Variants in SNAP91 observed in about 807,000 individuals in gnomAD.
The protein encoded by SNAP91 is clathrin coat assembly protein AP180.
Under a neutral mutation model 100.3 loss-of-function variants are expected in SNAP91, and 27 were observed. That is an observed-to-expected ratio of 0.27 (90% CI 0.20 to 0.37). The LOEUF (loss-of-function observed/expected upper bound fraction) is 0.37. Among genes scored for constraint, SNAP91 ranks in the 10% least tolerant of loss-of-function variants. The pLI, the probability that SNAP91 is intolerant of heterozygous loss-of-function variation, is 1.00. For missense variants in SNAP91, 986 were observed against 1,123.7 expected (o/e 0.88, Z 1.75); for synonymous variants, 404 against 398.6 (o/e 1.01, Z -0.16).
At chr6:83,669,757 G>T (rs1562592095) in intron 2 of SNAP91, among the ~76,000 whole-genome samples, 4 of 151,886 alleles carry the variant, frequency 2.6e-5, no homozygotes, top group Non-Finnish European at 4.4e-5. Flanking sequence ...TCTTGAGAGG[G>T]AATGTCTGGA....
At chr6:83,575,383 T>C (rs1395716256) in intron 25 of SNAP91, 3 of 432,364 alleles carry the variant, frequency 6.9e-6, no homozygotes, top group South Asian at 5.4e-5. Flanking sequence ...TAAAGAAAAG[T>C]ATGTCAGAAA....
chr6:83,630,990 TCCTCTTA>T (rs2097184710), intron 8 of SNAP91, among the ~76,000 whole-genome samples: 1 of 152,130 alleles, frequency 6.6e-6, no homozygotes, highest in Non-Finnish European at 1.5e-5. Context: ...CTATGACCTT[TCCTCTTA>T]CCACTGCCTT....
chr6:83,637,575 AC>A (rs2097514117), intron 8 of SNAP91, among the ~76,000 whole-genome samples: 2 of 152,190 alleles, frequency 1.3e-5, no homozygotes, highest in South Asian at 4.2e-4. Flanking sequence ...GAGCATTTTG[AC>A]TGGCTAGACT....
chr6:83,605,161 T>C (rs1160179236), intron 14 of SNAP91, among the ~76,000 whole-genome samples: 1 of 53,160 alleles, frequency 1.9e-5, no homozygotes, highest in African/African-American at 1.5e-4. Context: ...AGTCAATCAG[T>C]TTAAAGTATG....
At chr6:83,639,959 A>T (rs2128541401) in intron 8 of SNAP91, among the ~76,000 whole-genome samples, 1 of 152,292 alleles carries the variant, frequency 6.6e-6, no homozygotes, top group South Asian at 2.1e-4. Flanking sequence ...CAAAAGAAAA[A>T]ATTTTAAGCA....
chr6:83,662,909 A>C (rs1390451033), intron 3 of SNAP91, among the ~76,000 whole-genome samples: 1 of 152,066 alleles, frequency 6.6e-6, no homozygotes, highest in African/African-American at 2.4e-5. Flanking sequence ...ACTTTTTGCA[A>C]ATTGAAGATT....
At chr6:83,564,416 C>A (rs527663425) in intron 26 of SNAP91, among the ~76,000 whole-genome samples, 1 of 151,104 alleles carries the variant, frequency 6.6e-6, no homozygotes, top group Non-Finnish European at 1.5e-5. Context: ...TGGCTCACTG[C>A]GGCCTCTAGT....
intron 20 of SNAP91, 104 bp downstream of exon 20, chr6:83,592,842 T>G (rs3818169): frequency 0.031 from 26,641 of 873,190 alleles, 1,668 homozygotes; most frequent in Admixed American, 0.19. Context: ...GAAGTACATT[T>G]TAAATTTAAA....
At chr6:83,616,778 C>T (rs893011736) in intron 10 of SNAP91, among the ~76,000 whole-genome samples, 191 bp downstream of exon 10, 13 of 152,062 alleles carry the variant, frequency 8.5e-5, no homozygotes, top group East Asian at 7.7e-4. Context: ...CTGCATTAGC[C>T]TGCAGAGAGA....
chr6:83,575,088 C>A lies in SNAP91; in HGVS notation c.2364G>T (p.Lys788Asn). The A allele has an allele frequency of 6.2e-7, 1 of 1,607,880 alleles. No homozygotes were observed. Among genetic ancestry groups the A allele is most frequent in the Non-Finnish European group, 8.5e-7 (1 of 1,176,912 alleles). The change falls in exon 26 of 30, where the codon AAG becomes AAT. Residue 788 changes from lysine to asparagine, a missense_variant. By Grantham distance (94) the Lys-to-Asn change is moderately conservative (BLOSUM62 0). Coordinates refer to ENST00000369694, the MANE Select transcript of SNAP91 (RefSeq NM_001242792.2). ...GDLQWNAGEK[K>N]LTGGANWQPK... is the part of the protein sequence containing the mutation. Reference sequence around the variant, plus strand: ...GCTGCCAGTTGGCTCCACCAGTCAACTTTTTCTCTCCAGCATTCCACTGAA... The same window carrying A: ...GCTGCCAGTTGGCTCCACCAGTCAAATTTTTCTCTCCAGCATTCCACTGAA...
intron 9 of SNAP91, among the ~76,000 whole-genome samples, chr6:83,618,653 T>C (rs545765141): frequency 2.0e-5 from 3 of 152,036 alleles, no homozygotes; most frequent in Non-Finnish European, 4.4e-5. Flanking sequence ...TGAATTCACA[T>C]CTGATAACTT....
intron 6 of SNAP91, among the ~76,000 whole-genome samples, chr6:83,658,314 T>A (rs2098456016): frequency 6.6e-6 from 1 of 152,130 alleles, no homozygotes; most frequent in Non-Finnish European, 1.5e-5. Flanking sequence ...GCAATCTGCA[T>A]AAAATGGTTT....
At chr6:83,658,376 G>A (rs796694259) in intron 6 of SNAP91, among the ~76,000 whole-genome samples, 14 of 152,232 alleles carry the variant, frequency 9.2e-5, no homozygotes, top group African/African-American at 2.9e-4. Context: ...TTGGGAGGCC[G>A]AGGTAGGCAG....
chr6:83,690,507 C>T, intron 2 of SNAP91: 1 of 871,626 alleles, frequency 1.1e-6, no homozygotes, highest in South Asian at 1.5e-5. Context: ...GCAACAGATA[C>T]ATTGAACAAG....
chr6:83,565,987 C>G (rs1195314793), intron 26 of SNAP91, among the ~76,000 whole-genome samples: 2 of 151,908 alleles, frequency 1.3e-5, no homozygotes, highest in Non-Finnish European at 2.9e-5. Context: ...GATATACGCT[C>G]ATATGGAAAC....
intron 7 of SNAP91, among the ~76,000 whole-genome samples, chr6:83,654,539 T>A (rs1441977393): frequency 6.6e-6 from 1 of 152,132 alleles, no homozygotes; most frequent in Non-Finnish European, 1.5e-5. Flanking sequence ...GAGTGGAGGC[T>A]TTATGGGGAT....
intron 2 of SNAP91, among the ~76,000 whole-genome samples, chr6:83,700,451 A>C (rs767273222): frequency 6.6e-6 from 1 of 151,986 alleles, no homozygotes; most frequent in East Asian, 1.9e-4. Context: ...TTGTTATTGC[A>C]TATTTGTGTG....
intron 23 of SNAP91, among the ~76,000 whole-genome samples, chr6:83,581,383 T>C (rs1270952674): frequency 1.3e-5 from 2 of 152,218 alleles, no homozygotes; most frequent in East Asian, 1.9e-4. Context: ...AAATGCATCA[T>C]TGATGGCTCC....
In SNAP91 at chr6:83,707,871, G is replaced by A. The variant is rs1369223517; in HGVS notation, c.57C>T (p.Gly19=). The A allele has an allele frequency of 9.9e-6, 16 of 1,611,314 alleles. No individual in the cohort carries two copies. The highest frequency in any genetic ancestry group is 1.3e-5 in the African/African-American group (1 of 74,754). Reference sequence around the variant, plus strand: ...TGCAGACCGCTCTTGCTACAGCAGAGCCTGTAACGCTGTACTGAGCGGCGG... The same window carrying A: ...TGCAGACCGCTCTTGCTACAGCAGAACCTGTAACGCTGTACTGAGCGGCGG... ...RIAAAQYSVT[G]SAVARAVCKA... is the part of the protein sequence containing the mutation. The change falls in exon 2 of 30, where the codon GGC becomes GGT. Residue 19 remains glycine (G), a synonymous_variant. Transcript: ENST00000369694.
Sources: gnomAD v4.1 joint callset for allele counts (sites outside exome capture counted in the v4.1 genomes callset) on GRCh38, gnomAD v4.1.1 for gene constraint, MANE v1.5 for transcripts, NCBI Gene and HGNC (gene_info 2026-07-23, HGNC 2026-07-21) for gene names.